The following UBE2L3 variants were observed in gnomAD, a reference collection of about 807,000 sequenced individuals.
UBE2L3 encodes ubiquitin-conjugating enzyme E2 L3.
A neutral mutation model predicts 17.8 loss-of-function variants in UBE2L3; 1 was observed. That is an observed-to-expected ratio of 0.06 (90% CI 0.02 to 0.27). UBE2L3 has a LOEUF of 0.27. Among genes scored for constraint, UBE2L3 ranks in the 10% least tolerant of loss-of-function variants. The pLI is 1.00. For synonymous variants in UBE2L3, 44 were observed against 68.5 expected, an observed-to-expected ratio of 0.64 and a Z score of 1.76; for missense variants, 40 against 192.6, an observed-to-expected ratio of 0.21 and a Z score of 4.69.
At chr22:21,557,763 C>T (rs1230113238) in intron 1 of UBE2L3, among the ~76,000 whole-genome samples, 1 of 152,264 alleles carries the variant, frequency 6.6e-6, no homozygotes, top group Non-Finnish European at 1.5e-5. Context: ...CCTCGTGATC[C>T]ACCCTCTTTG....
intron 3 of UBE2L3, among the ~76,000 whole-genome samples, chr22:21,617,696 A>G (rs1273298557): frequency 2.6e-5 from 4 of 152,188 alleles, no homozygotes; most frequent in African/African-American, 4.8e-5. Context: ...ATGCTGTCCT[A>G]TATATGAAAA....
At chr22:21,567,541 A>T (rs972027287), upstream of UBE2L3, 1 of 1,154,034 alleles carries the variant, frequency 8.7e-7, no homozygotes, top group Non-Finnish European at 1.2e-6. Flanking sequence ...TGATTGGACG[A>T]TCCGTAAACG....
chr22:21,593,005 T>C (rs1182018580), intron 2 of UBE2L3, 49 bp downstream of exon 2: 2 of 1,539,672 alleles, frequency 1.3e-6, no homozygotes, highest in Admixed American at 1.7e-5. Context: ...TTTAAGGTGA[T>C]GTGTGTGCTG....
rs536421353 is a variant in UBE2L3, at chr22:21,589,446, A to G, written c.28-3415A>G. Among the ~76,000 whole-genome samples the G allele has an allele frequency of 2.6e-5, 4 of 152,290 alleles. No homozygotes were observed. In the East Asian group the frequency reaches 7.7e-4, roughly 29 times the overall value. On this transcript the variant is annotated intron_variant, in intron 1 of 3. Transcript: ENST00000342192. ...ACAGGCGTGAACCACTGCGCCCGGC[A>G]TGATTGGCATTTTGGGCTAAATAGT...
upstream of UBE2L3, among the ~76,000 whole-genome samples, chr22:21,562,899 T>C (rs955064037): frequency 1.3e-5 from 2 of 151,684 alleles, no homozygotes; most frequent in Admixed American, 6.6e-5. Context: ...ATGTGGTCAA[T>C]GGGAGCAGAA....
intron 1 of UBE2L3, among the ~76,000 whole-genome samples, chr22:21,580,962 CATT>C (rs1018955853): frequency 6.6e-6 from 1 of 150,852 alleles, no homozygotes; most frequent in Non-Finnish European, 1.5e-5. Flanking sequence ...CATTATAACT[CATT>C]ATAACCTCGA....
rs147700046 is a variant in UBE2L3, at chr22:21,561,581, CA to C, written c.201+11941del. Among the ~76,000 whole-genome samples, 774 of 151,072 alleles carry C rather than the reference CA, an allele frequency of 5.1e-3. 1 individual carries two copies. The highest frequency in any genetic ancestry group is 7.0e-3 in the Non-Finnish European group (471 of 67,670). ...TGGGTGACAGAGCCAGACCCTATCT[CA>C]AAAAAAAAAGGGGGTCCAGCATGCA... is the stretch of plus-strand genomic sequence containing the variant. On this transcript the variant is annotated intron_variant, in intron 1 of 3. Coordinates refer to the UBE2L3 transcript ENST00000458578.
chr22:21,582,881 A>G (rs1254773945), intron 1 of UBE2L3, among the ~76,000 whole-genome samples: 2 of 151,836 alleles, frequency 1.3e-5, no homozygotes, highest in Non-Finnish European at 2.9e-5. Context: ...ATCTGGGAGC[A>G]CTCCCCTCAG....
intron 2 of UBE2L3, among the ~76,000 whole-genome samples, chr22:21,596,233 T>A (rs1261481241): frequency 6.6e-6 from 1 of 152,152 alleles, no homozygotes; most frequent in Non-Finnish European, 1.5e-5. Context: ...CAGGGTTTTG[T>A]GCTGTCACCC....
upstream of UBE2L3, among the ~76,000 whole-genome samples, chr22:21,565,826 A>G (rs1177182123): frequency 6.8e-6 from 1 of 146,088 alleles, no homozygotes; most frequent in Non-Finnish European, 1.5e-5. Flanking sequence ...TTCTGAAGCT[A>G]TGTTCTTCTC....
chr22:21,582,321 C>T (rs1927686479), intron 1 of UBE2L3, among the ~76,000 whole-genome samples: 1 of 150,570 alleles, frequency 6.6e-6, no homozygotes, highest in South Asian at 2.1e-4. Context: ...TGCCAAGAAA[C>T]TGGGTGGTAT....
At chr22:21,568,172 C>T (rs895038664) in intron 1 of UBE2L3, 11 of 1,002,464 alleles carry the variant, frequency 1.1e-5, no homozygotes, top group Non-Finnish European at 1.3e-5. Flanking sequence ...GAGCCCGCGC[C>T]GCGGAACCGC....
intron 2 of UBE2L3, among the ~76,000 whole-genome samples, chr22:21,602,266 C>T (rs1928908105): frequency 1.3e-5 from 2 of 152,202 alleles, no homozygotes; most frequent in African/African-American, 2.4e-5. Context: ...GAGCAGCATG[C>T]TAGTTAGATC....
chr22:21,616,004 A>G (rs1428895468), intron 3 of UBE2L3, among the ~76,000 whole-genome samples: 1 of 152,208 alleles, frequency 6.6e-6, no homozygotes, highest in East Asian at 1.9e-4. Context: ...CATGTGTGAG[A>G]TAAGCTTTAT....
chr22:21,573,034 C>T (rs1927071280), intron 1 of UBE2L3, among the ~76,000 whole-genome samples: 1 of 152,146 alleles, frequency 6.6e-6, no homozygotes, highest in African/African-American at 2.4e-5. Flanking sequence ...CAGTTCAGGC[C>T]ATCCCTGTTT....
chr22:21,589,785 A>G (rs557469325), intron 1 of UBE2L3, among the ~76,000 whole-genome samples: 141 of 152,288 alleles, frequency 9.3e-4, no homozygotes, highest in Admixed American at 1.8e-3. Flanking sequence ...TGTTGGTTAG[A>G]ATCATGTAAA....
intron 2 of UBE2L3, among the ~76,000 whole-genome samples, chr22:21,605,499 TTTTTTC>T (rs961428672): frequency 1.3e-5 from 2 of 152,200 alleles, no homozygotes; most frequent in South Asian, 2.1e-4. Flanking sequence ...AGGGTTTCTT[TTTTTTC>T]TTTTTCTTTT....
chr22:21,563,278 G>C (rs1487516783), upstream of UBE2L3, among the ~76,000 whole-genome samples: 1 of 134,390 alleles, frequency 7.4e-6, no homozygotes, highest in East Asian at 2.3e-4. Context: ...CTGGCCGGGT[G>C]TGGTGGCTCA....
rs1927591862 is a variant in UBE2L3 at position 21,580,954 on chromosome 22, T to C, written c.28-11907T>C. ...AGTGCAGTGGCATGATCATAACTCA[T>C]TATAACTCATTATAACCTCGAATTC... On this transcript the variant is annotated intron_variant, in intron 1 of 3. Coordinates refer to ENST00000342192, the MANE Select transcript of UBE2L3 (RefSeq NM_003347.4). 2.0e-5 allele frequency among the ~76,000 whole-genome samples: 3 copies of C among 151,724 alleles called. No individual in the cohort carries two copies. The South Asian group carries it at 6.2e-4, about 32-fold the overall frequency.
Sources: allele counts gnomAD v4.1 joint callset (sites outside exome capture counted in the v4.1 genomes callset), GRCh38; gene constraint gnomAD v4.1.1; transcripts MANE v1.5; gene names NCBI Gene and HGNC (gene_info 2026-07-23, HGNC 2026-07-21).